The following DRD2 variants were observed in gnomAD, a reference collection of about 807,000 sequenced individuals.
DRD2 encodes the protein dopamine receptor D2, also known as D(2) dopamine receptor.
In DRD2, 8 loss-of-function variants were observed where a neutral mutation model predicts 38.0. The ratio of observed to expected loss-of-function variants is 0.21; its 90% CI spans 0.12 to 0.38. DRD2 has a LOEUF of 0.38. Among genes scored for constraint, DRD2 ranks in the 10% least tolerant of loss-of-function variants. The probability of loss-of-function intolerance (pLI) is 1.00; values close to 1 mark genes in which losing one functional copy is unlikely to be tolerated. For synonymous variants in DRD2, 230 were observed against 238.6 expected (o/e 0.96, Z 0.33); for missense variants, 403 against 607.7 (o/e 0.66, Z 3.54).
chr11:113,438,206 A>T (rs1043027511), intron 1 of DRD2, among the ~76,000 whole-genome samples: 1 of 151,788 alleles, frequency 6.6e-6, no homozygotes. Context: ...TTTTTTTTTA[A>T]TCAGACAGAC....
intron 1 of DRD2, among the ~76,000 whole-genome samples, chr11:113,432,281 CCTCTCTTTCT>C (rs1178598621): frequency 1.0e-4 from 11 of 106,928 alleles, no homozygotes; most frequent in African/African-American, 4.1e-4. Flanking sequence ...TTTCTCTGAT[CCTCTCTTTCT>C]CTCTCTCTCT....
chr11:113,422,153 C>T (rs565810814), intron 2 of DRD2, among the ~76,000 whole-genome samples: 44 of 152,178 alleles, frequency 2.9e-4, no homozygotes, highest in Non-Finnish European at 5.1e-4. Context: ...TTGCCTGGGG[C>T]GAACATAGGG....
At chr11:113,425,170 T>A (rs1344847119) in intron 1 of DRD2, among the ~76,000 whole-genome samples, 1 of 152,192 alleles carries the variant, frequency 6.6e-6, no homozygotes, top group Non-Finnish European at 1.5e-5. Flanking sequence ...AGCCAATTAA[T>A]CAAGCAATTA....
chr11:113,460,187 C>T (rs1437301766), intron 1 of DRD2, among the ~76,000 whole-genome samples: 72 of 152,230 alleles, frequency 4.7e-4, no homozygotes. Flanking sequence ...ATTCCAGTTC[C>T]CTCAGTGGGG....
intron 2 of DRD2, among the ~76,000 whole-genome samples, 198 bp from the exon 3 acceptor site, chr11:113,418,334 C>T (rs1950848073): frequency 1.3e-5 from 2 of 152,166 alleles, no homozygotes; most frequent in Admixed American, 1.3e-4. Context: ...CTCCCAGATA[C>T]ATAAGACCAC....
At position 113,412,770 on chromosome 11, in the gene DRD2, G is replaced by A. The variant is rs146497846; in HGVS notation, c.924C>T (p.Pro308=). 3.7e-5 allele frequency: 59 copies of A among 1,613,718 alleles called. No homozygotes were observed. In the African/African-American group the frequency reaches 4.1e-4, roughly 11 times the overall value. Reference sequence around the variant, plus strand: ...TGTGGAGACCATGGTGGGACGGGTCGGGGAGAGTCAGCTGGTGGTGGCTGG... The same window carrying A: ...TGTGGAGACCATGGTGGGACGGGTCAGGGAGAGTCAGCTGGTGGTGGCTGG... ...IPPSHHQLTL[P]DPSHHGLHST... The change falls in exon 7 of 8, where the codon CCC becomes CCT. Residue 308 remains proline, a synonymous_variant. Coordinates refer to ENST00000362072, the MANE Select transcript of DRD2 (RefSeq NM_000795.4).
At chr11:113,471,184 T>C (rs1175196405) in intron 1 of DRD2, among the ~76,000 whole-genome samples, 1 of 152,200 alleles carries the variant, frequency 6.6e-6, no homozygotes, top group Non-Finnish European at 1.5e-5. Context: ...TTAGATAATA[T>C]GATTCTATTG....
intron 2 of DRD2, among the ~76,000 whole-genome samples, chr11:113,424,011 G>A (rs536738894): frequency 3.9e-5 from 6 of 152,298 alleles, no homozygotes; most frequent in East Asian, 1.9e-4. Context: ...CTTGCCAGCC[G>A]TGTGATGCTG....
chr11:113,423,876 G>T (rs1441129671), intron 2 of DRD2, among the ~76,000 whole-genome samples: 1 of 152,214 alleles, frequency 6.6e-6, no homozygotes, highest in Non-Finnish European at 1.5e-5. Flanking sequence ...GAAGTGGGGA[G>T]ATGGGAGTGA....
chr11:113,426,009 A>G (rs1950938529), intron 1 of DRD2, among the ~76,000 whole-genome samples: 1 of 152,130 alleles, frequency 6.6e-6, no homozygotes. Flanking sequence ...CTGGTGTTCT[A>G]GAAAGTGTAT....
chr11:113,419,099 C>T (rs1209128864), intron 2 of DRD2, among the ~76,000 whole-genome samples: 2 of 152,182 alleles, frequency 1.3e-5, no homozygotes, highest in African/African-American at 2.4e-5. Context: ...CAGTGATTTC[C>T]CCAAGGCCTG....
intron 1 of DRD2, among the ~76,000 whole-genome samples, chr11:113,467,285 T>C (rs1951379525): frequency 6.6e-6 from 1 of 152,176 alleles, no homozygotes; most frequent in African/African-American, 2.4e-5. Context: ...CAGAAATAGA[T>C]GCACATCAAT....
rs1489650563 is a variant in DRD2 at position 113,424,388 on chromosome 11, C to T, written c.264G>A (p.Met88Ile). The change falls in exon 2 of 8, where the codon ATG becomes ATA. Residue 88 changes from methionine to isoleucine, a missense_variant. Transcript: ENST00000362072. ...CTACCTCCAGGTAGACAACCCAGGG[C>T]ATGACCAGTGTGGCGACGAGGAGGT... is the stretch of plus-strand genomic sequence containing the variant. ...VADLLVATLV[M>I]PWVVYLEVVG... is the part of the protein sequence containing the mutation. The T allele has an allele frequency of 6.2e-7, 1 of 1,614,200 alleles. No individual in the cohort carries two copies.
At chr11:113,431,110 C>T (rs1317744475) in intron 1 of DRD2, among the ~76,000 whole-genome samples, 1 of 152,192 alleles carries the variant, frequency 6.6e-6, no homozygotes, top group South Asian at 2.1e-4. Context: ...TAAAAGCTTA[C>T]AAAACTCCAA....
At chr11:113,443,289 T>G (rs755091121) in intron 1 of DRD2, among the ~76,000 whole-genome samples, 2 of 152,208 alleles carry the variant, frequency 1.3e-5, no homozygotes, top group African/African-American at 4.8e-5. Flanking sequence ...AATTTCATAG[T>G]ACACTATTGG....
chr11:113,414,528 G>A, intron 5 of DRD2, 67 bp from the exon 6 acceptor site: 1 of 1,535,636 alleles, frequency 6.5e-7, no homozygotes, highest in East Asian at 2.2e-5. Context: ...GAAACCCAAA[G>A]TGCAGCAGTC....
At chr11:113,418,246 C>A in intron 2 of DRD2, 110 bp from the exon 3 acceptor site, 1 of 891,886 alleles carries the variant, frequency 1.1e-6, no homozygotes, top group Admixed American at 2.0e-5. Context: ...GAGGCAGCTG[C>A]AAGTCTTGTG....
chr11:113,431,579 A>T (rs1367951026), intron 1 of DRD2, among the ~76,000 whole-genome samples: 1 of 152,220 alleles, frequency 6.6e-6, no homozygotes, highest in African/African-American at 2.4e-5. Context: ...AGAGTCATCC[A>T]TTCTAGTGCT....
chr11:113,446,655 A>G (rs1951152857), intron 1 of DRD2, among the ~76,000 whole-genome samples: 1 of 152,212 alleles, frequency 6.6e-6, no homozygotes, highest in South Asian at 2.1e-4. Flanking sequence ...GCAAGATGGG[A>G]TATTTGGAAA....
Sources: gnomAD v4.1 joint callset for allele counts (sites outside exome capture counted in the v4.1 genomes callset) on GRCh38, gnomAD v4.1.1 for gene constraint, MANE v1.5 for transcripts, NCBI Gene and HGNC (gene_info 2026-07-23, HGNC 2026-07-21) for gene names.